The following HIPK3 variants were observed in gnomAD, a reference collection of about 807,000 sequenced individuals.
The protein encoded by HIPK3 is homeodomain-interacting protein kinase 3.
Under a neutral mutation model 124.2 loss-of-function variants are expected in HIPK3, and 47 were observed. That is an observed-to-expected ratio of 0.38 (90% CI 0.30 to 0.48). HIPK3 has a LOEUF of 0.48. Among genes scored for constraint, HIPK3 ranks in the 20% least tolerant of loss-of-function variants. The probability of loss-of-function intolerance (pLI) is 0.98; values close to 1 mark genes in which losing one functional copy is unlikely to be tolerated. For synonymous variants in HIPK3, 482 were observed against 515.2 expected (o/e 0.94, Z 0.87); for missense variants, 1,286 against 1,454.3 (o/e 0.88, Z 1.88).
At chr11:33,310,041 T>A (rs1235428543) in intron 2 of HIPK3, among the ~76,000 whole-genome samples, 1 of 152,238 alleles carries the variant, frequency 6.6e-6, no homozygotes, top group Admixed American at 6.5e-5. Context: ...AAAATTTCAA[T>A]AGCTGGATAA....
chr11:33,281,636 CTATAGA>C (rs1426972095), intron 1 of HIPK3, among the ~76,000 whole-genome samples: 1 of 152,178 alleles, frequency 6.6e-6, no homozygotes, highest in Admixed American at 6.5e-5. Context: ...CTTTATATAT[CTATAGA>C]TATTCAGTGC....
chr11:33,275,236 C>T (rs1349972123), intron 1 of HIPK3, among the ~76,000 whole-genome samples: 1 of 151,970 alleles, frequency 6.6e-6, no homozygotes, highest in African/African-American at 2.4e-5. Flanking sequence ...GGTGGGGTTT[C>T]AACATACTGG....
At position 33,355,258 on chromosome 11, in the gene HIPK3, A is replaced by G. The variant is rs556095021; in HGVS notation, c.*1690A>G. On this transcript the variant is annotated 3_prime_UTR_variant, in exon 17 of 17. Coordinates refer to ENST00000303296, the MANE Select transcript of HIPK3 (RefSeq NM_005734.5). Reference sequence around the variant, plus strand: ...TGTCATTGTAACTACTGTATTGTAAATGGTGGAAAATAATTGCATTTGTTA... The same window carrying G: ...TGTCATTGTAACTACTGTATTGTAAGTGGTGGAAAATAATTGCATTTGTTA... 6.6e-6 allele frequency: 1 copy of G among 152,080 alleles called. No homozygotes were observed. The highest frequency in any genetic ancestry group is 2.1e-4 in the South Asian group (1 of 4,824). The allele number at this position is 152,080 out of a possible 1,614,324, so 9.4% of individuals were successfully genotyped here. A position where few individuals can be genotyped will look rare whatever the true frequency, so the allele number is the denominator to read the frequency against.
intron 1 of HIPK3, among the ~76,000 whole-genome samples, chr11:33,260,126 A>T (rs1417799373): frequency 6.6e-6 from 1 of 152,160 alleles, no homozygotes; most frequent in Non-Finnish European, 1.5e-5. Context: ...TTTATATGAG[A>T]TACTTCTTCT....
chr11:33,278,029 C>T (rs1851316174), intron 1 of HIPK3, among the ~76,000 whole-genome samples: 1 of 152,100 alleles, frequency 6.6e-6, no homozygotes, highest in South Asian at 2.1e-4. Flanking sequence ...TTTCAGGTAT[C>T]ATTTGATGAA....
chr11:33,348,887 C>T, intron 13 of HIPK3, 69 bp downstream of exon 13: 2 of 1,407,976 alleles, frequency 1.4e-6, no homozygotes, highest in South Asian at 2.7e-5. Context: ...AAACAACTTT[C>T]TGTGACTTAT....
rs1853799747 is a variant in HIPK3, at chr11:33,355,762, G to A, written c.*2194G>A. On this transcript the variant is annotated 3_prime_UTR_variant, in exon 17 of 17. Transcript: ENST00000303296. ...GTACATTTTTAGTCACACTGAAAAT[G>A]AAGGACTTAATTTTCCCCACAAGTT... The A allele has an allele frequency of 6.6e-6, 1 of 151,858 alleles. No individual in the cohort carries two copies. Among genetic ancestry groups the A allele is most frequent in the Non-Finnish European group, 1.5e-5 (1 of 67,830 alleles). The allele number at this position is 151,858 out of a possible 1,614,324, so 9.4% of individuals were successfully genotyped here.
chr11:33,283,811 A>T lies in HIPK3; in HGVS notation c.-2-2602A>T, dbSNP rs188050557. 3.1e-3 allele frequency among the ~76,000 whole-genome samples: 476 copies of T among 151,688 alleles called. 4 individuals carry two copies. Among genetic ancestry groups the T allele is most frequent in the African/African-American group, 0.01 (426 of 41,294 alleles). ...TGCCTCAGCCTCTCCAGTGGCTAGG[A>T]TTATAGGTGTGCACCACCACACCTG... is the stretch of plus-strand genomic sequence containing the variant. On this transcript the variant is annotated intron_variant, in intron 1 of 16. Transcript: ENST00000303296.
At chr11:33,314,782 T>C (rs919307317) in intron 2 of HIPK3, among the ~76,000 whole-genome samples, 1 of 152,218 alleles carries the variant, frequency 6.6e-6, no homozygotes, top group South Asian at 2.1e-4. Flanking sequence ...AAATAATTTT[T>C]GTTGTCTGAT....
At chr11:33,320,586 T>G (rs1852634920) in intron 2 of HIPK3, among the ~76,000 whole-genome samples, 1 of 152,122 alleles carries the variant, frequency 6.6e-6, no homozygotes, top group African/African-American at 2.4e-5. Flanking sequence ...GAGGTGATGG[T>G]GGTTTGGATC....
chr11:33,313,585 T>C (rs2133947170), intron 2 of HIPK3, among the ~76,000 whole-genome samples: 1 of 152,240 alleles, frequency 6.6e-6, no homozygotes, highest in Middle Eastern at 3.4e-3. Context: ...AGTTGAGGGG[T>C]ATTATCAGAA....
At chr11:33,268,591 C>CAAAAAAAAAAAAAAAAAA in intron 1 of HIPK3, among the ~76,000 whole-genome samples, 1 of 76,036 alleles carries the variant, frequency 1.3e-5, no homozygotes, top group Non-Finnish European at 2.5e-5. Flanking sequence ...ACTCCGTCAC[C>CAAAAAAAAAAAAAAAAAA]AAAAAAAAAA....
At chr11:33,314,527 G>A (rs911254543) in intron 2 of HIPK3, among the ~76,000 whole-genome samples, 3 of 152,066 alleles carry the variant, frequency 2.0e-5, no homozygotes, top group African/African-American at 7.2e-5. Flanking sequence ...ATGGTGGCAG[G>A]TGCCTGTAAT....
chr11:33,284,829 G>C (rs758627047), intron 1 of HIPK3, among the ~76,000 whole-genome samples: 2 of 152,130 alleles, frequency 1.3e-5, no homozygotes, highest in African/African-American at 4.8e-5. Flanking sequence ...TGATGATTCT[G>C]TCAAATGGTG....
chr11:33,278,036 T>A (rs1461250122), intron 1 of HIPK3, among the ~76,000 whole-genome samples: 3 of 152,236 alleles, frequency 2.0e-5, no homozygotes, highest in African/African-American at 7.2e-5. Context: ...TATCATTTGA[T>A]GAATGAAAGC....
chr11:33,353,201 ATGG>A lies in HIPK3; in HGVS notation c.3282_3284del (p.His1094_Gly1095delinsGln). 3 of 1,612,978 alleles carry A rather than the reference ATGG, an allele frequency of 1.9e-6. No homozygotes were observed. The Middle Eastern group carries it at 5.0e-4, about 266-fold the overall frequency. ...ACCAGTAATCCATTCACTCTTTCTC[ATGG>A]AAGTCCCAATCACACAGCAGTGCAT... On this transcript the variant is annotated inframe_deletion, in exon 17 of 17. Coordinates refer to ENST00000303296, the MANE Select transcript of HIPK3 (RefSeq NM_005734.5).
chr11:33,280,015 G>T (rs1290726484), intron 1 of HIPK3, among the ~76,000 whole-genome samples: 1 of 152,058 alleles, frequency 6.6e-6, no homozygotes, highest in African/African-American at 2.4e-5. Context: ...TACAAATTCT[G>T]GGGGAGCTGA....
intron 2 of HIPK3, among the ~76,000 whole-genome samples, chr11:33,312,724 A>G (rs761146432): frequency 2.0e-5 from 3 of 152,188 alleles, no homozygotes; most frequent in Non-Finnish European, 2.9e-5. Context: ...TTGTCTTGCC[A>G]CTATCATTTA....
At chr11:33,344,821 C>A (rs1197872330) in intron 8 of HIPK3, among the ~76,000 whole-genome samples, 1 of 152,176 alleles carries the variant, frequency 6.6e-6, no homozygotes, top group Non-Finnish European at 1.5e-5. Context: ...AAAGCACTCC[C>A]TCTACAGTCT....
Sources: allele counts gnomAD v4.1 joint callset (sites outside exome capture counted in the v4.1 genomes callset), GRCh38; gene constraint gnomAD v4.1.1; transcripts MANE v1.5; gene names NCBI Gene and HGNC (gene_info 2026-07-23, HGNC 2026-07-21).